The following SLC36A1 variants were observed in gnomAD, a reference collection of about 807,000 sequenced individuals.
The protein encoded by SLC36A1 is solute carrier family 36 member 1, also known as proton-coupled amino acid transporter 1.
A neutral mutation model predicts 47.5 loss-of-function variants in SLC36A1; 30 were observed. The observed-to-expected ratio is 0.63, with a 90% CI of 0.47 to 0.86. SLC36A1 has a LOEUF of 0.86. Ranked by LOEUF, SLC36A1 falls within the 40% of genes least tolerant of loss-of-function variation. The pLI is 0.00. For synonymous variants in SLC36A1, 255 were observed against 249.7 expected, an observed-to-expected ratio of 1.02 and a Z score of -0.20; for missense variants, 517 against 606.0, an observed-to-expected ratio of 0.85 and a Z score of 1.54.
chr5:151,487,964 A>C lies in SLC36A1; in HGVS notation c.1160-19A>C. On this transcript the variant is annotated intron_variant, in intron 10 of 10. Transcript: ENST00000243389. ...CCAGCTCTGGGCATCTTAAACAGGC[A>C]TGTCCTCTCTCCCTGCAGGCATCTT... The C allele has an allele frequency of 6.2e-7, 1 of 1,613,370 alleles. No individual in the cohort carries two copies. The highest frequency in any genetic ancestry group is 8.5e-7 in the Non-Finnish European group (1 of 1,179,796).
chr5:151,483,522 G>C (rs370159607), intron 10 of SLC36A1, among the ~76,000 whole-genome samples: 1 of 130,694 alleles, frequency 7.7e-6, no homozygotes, highest in African/African-American at 4.0e-5. Context: ...GTGTGTGGGG[G>C]GGGTGATTAG....
intron 1 of SLC36A1, among the ~76,000 whole-genome samples, chr5:151,458,340 T>TA (rs201261790): frequency 0.077 from 7,410 of 96,608 alleles, 692 homozygotes; most frequent in African/African-American, 0.23. Context: ...ATATGGGATA[T>TA]TTATATATAT....
At chr5:151,551,356 C>T in the SLC36A1 span, 1 of 1,120,156 alleles carries the variant, frequency 8.9e-7, no homozygotes, top group East Asian at 2.4e-5. Context: ...ATTCTAAATT[C>T]AGTGTTCCTT....
chr5:151,544,090 T>C, the SLC36A1 span: 1 of 1,614,194 alleles, frequency 6.2e-7, no homozygotes, highest in African/African-American at 1.3e-5. Context: ...GACTTTCACA[T>C]GAAAGTGTTG....
the SLC36A1 span, among the ~76,000 whole-genome samples, chr5:151,362,638 G>C: frequency 6.6e-6 from 1 of 152,108 alleles, no homozygotes; most frequent in Non-Finnish European, 1.5e-5. Flanking sequence ...CGATCTCCCT[G>C]CCTCAGCCTC....
At chr5:151,529,426 C>T in the SLC36A1 span, 3 of 1,595,298 alleles carry the variant, frequency 1.9e-6, no homozygotes, top group Non-Finnish European at 2.6e-6. Flanking sequence ...AGCAATGAGG[C>T]AGTTGGGCCC....
the SLC36A1 span, among the ~76,000 whole-genome samples, chr5:151,546,768 GA>G: frequency 1.3e-5 from 2 of 152,022 alleles, no homozygotes; most frequent in South Asian, 4.2e-4. Flanking sequence ...ACCCAGGCTG[GA>G]ATGTAGTGAT....
the SLC36A1 span, among the ~76,000 whole-genome samples, chr5:151,508,563 A>G: frequency 6.6e-6 from 1 of 152,138 alleles, no homozygotes; most frequent in Non-Finnish European, 1.5e-5. Context: ...TACAAAAATT[A>G]GCCAGGTGTT....
chr5:151,505,299 T>G, the SLC36A1 span: 1 of 519,678 alleles, frequency 1.9e-6, no homozygotes, highest in Non-Finnish European at 3.4e-6. Flanking sequence ...CGGGAGTCAA[T>G]TGTTCCTGGT....
At chr5:151,479,971 T>TA in intron 10 of SLC36A1, 1 of 688,696 alleles carries the variant, frequency 1.5e-6, no homozygotes, top group East Asian at 2.8e-5. Context: ...TCTTACTAAA[T>TA]ATGTTTCAGA....
the SLC36A1 span, chr5:151,545,115 A>G: frequency 5.0e-6 from 8 of 1,614,064 alleles, no homozygotes; most frequent in Admixed American, 1.0e-4. Flanking sequence ...CATTCAAGAG[A>G]AAGTAGGAAA....
At chr5:151,520,715 C>A in the SLC36A1 span, among the ~76,000 whole-genome samples, 16 of 152,170 alleles carry the variant, frequency 1.1e-4, no homozygotes, top group Non-Finnish European at 2.1e-4. Flanking sequence ...TAACAATACA[C>A]CCAAAGTTAC....
At chr5:151,512,912 A>T in the SLC36A1 span, 1 of 391,698 alleles carries the variant, frequency 2.6e-6, no homozygotes, top group Non-Finnish European at 4.7e-6. The surrounding 1 kb of genome is among the most constrained non-coding windows in gnomAD (Gnocchi z 4.1). Context: ...ATGCTTCTTC[A>T]CAGGCCTGTC....
intron 1 of SLC36A1, among the ~76,000 whole-genome samples, chr5:151,441,041 G>A (rs1752596631): frequency 6.6e-6 from 1 of 152,206 alleles, no homozygotes; most frequent in Non-Finnish European, 1.5e-5. Context: ...TTCTGATGCA[G>A]TAGGTGTAGA....
intron 1 of SLC36A1, among the ~76,000 whole-genome samples, chr5:151,440,139 C>G (rs1003476175): frequency 1.3e-5 from 2 of 151,954 alleles, no homozygotes; most frequent in African/African-American, 4.8e-5. Context: ...CTTTTGTATC[C>G]CTACGTAACA....
the SLC36A1 span, among the ~76,000 whole-genome samples, chr5:151,431,528 A>G: frequency 1.3e-5 from 2 of 152,146 alleles, no homozygotes; most frequent in Non-Finnish European, 1.5e-5. Flanking sequence ...ATCTTGAATT[A>G]TAACTCCCAC....
chr5:151,399,084 A>ATATATATATATATATATATATATT, the SLC36A1 span, among the ~76,000 whole-genome samples: 5 of 60,030 alleles, frequency 8.3e-5, no homozygotes, highest in African/African-American at 1.7e-4. Flanking sequence ...ATATATATAT[A>ATATATATATATATATATATATATT]TTTTTTTTTT....
intron 1 of SLC36A1, among the ~76,000 whole-genome samples, chr5:151,457,258 A>G (rs1754685343): frequency 6.6e-6 from 1 of 151,998 alleles, no homozygotes; most frequent in South Asian, 2.1e-4. Context: ...GTTGCAGGGC[A>G]GGTTACTTCA....
the SLC36A1 span, chr5:151,551,524 C>G: frequency 9.5e-5 from 153 of 1,614,216 alleles, 3 homozygotes; most frequent in Admixed American, 2.5e-3. Context: ...TATAGTTCGA[C>G]CTTCTCCTGG....
Sources: gnomAD v4.1 joint callset for allele counts (sites outside exome capture counted in the v4.1 genomes callset) on GRCh38, gnomAD v4.1.1 for gene constraint, Gnocchi (gnomAD v3.1) non-coding constraint, MANE v1.5 for transcripts, NCBI Gene and HGNC (gene_info 2026-07-23, HGNC 2026-07-21) for gene names.